GRM5: variants seen among roughly 807,000 people sequenced by gnomAD.
GRM5 encodes glutamate metabotropic receptor 5.
In GRM5, 19 loss-of-function variants were observed where a neutral mutation model predicts 83.1. The observed-to-expected ratio is 0.23, with a 90% CI of 0.16 to 0.34. The LOEUF is 0.34. Among genes scored for constraint, GRM5 ranks in the 10% least tolerant of loss-of-function variants. The pLI, the probability that GRM5 is intolerant of heterozygous loss-of-function variation, is 1.00. For synonymous variants in GRM5, 675 were observed against 633.6 expected, an observed-to-expected ratio of 1.07 and a Z score of -0.98; for missense variants, 1,160 against 1,588.3, an observed-to-expected ratio of 0.73 and a Z score of 4.58.
chr11:88,853,249 G>C (rs1944418234), intron 2 of GRM5, among the ~76,000 whole-genome samples: 1 of 152,056 alleles, frequency 6.6e-6, no homozygotes, highest in Non-Finnish European at 1.5e-5. Context: ...TCAACCTTAA[G>C]AATCCACCTA....
chr11:88,659,664 G>T (rs1939853875), intron 3 of GRM5, among the ~76,000 whole-genome samples: 1 of 152,052 alleles, frequency 6.6e-6, no homozygotes, highest in Admixed American at 6.6e-5. Context: ...AAATAATTAT[G>T]ATAGGACTTA....
intron 2 of GRM5, among the ~76,000 whole-genome samples, chr11:89,022,008 TAACAA>T (rs1397316782): frequency 6.6e-6 from 1 of 152,140 alleles, no homozygotes; most frequent in East Asian, 1.9e-4. Context: ...CAAACGTTCT[TAACAA>T]AACAAAACAG....
At chr11:88,905,604 A>C (rs1301307652) in intron 2 of GRM5, among the ~76,000 whole-genome samples, 2 of 152,020 alleles carry the variant, frequency 1.3e-5, no homozygotes, top group African/African-American at 4.8e-5. Flanking sequence ...GGCCTCCCAA[A>C]GTGTTGGGAT....
At chr11:88,514,151 T>C (rs1011861521) in intron 9 of GRM5, among the ~76,000 whole-genome samples, 4 of 152,210 alleles carry the variant, frequency 2.6e-5, no homozygotes, top group African/African-American at 9.7e-5. Flanking sequence ...TCTTGCTCTC[T>C]TCCAGGCACC....
intron 2 of GRM5, among the ~76,000 whole-genome samples, chr11:88,926,857 A>G (rs2135639394): frequency 6.6e-6 from 1 of 152,302 alleles, no homozygotes; most frequent in East Asian, 1.9e-4. Context: ...CTACTCAGCA[A>G]ATACTTGTTC....
intron 3 of GRM5, among the ~76,000 whole-genome samples, chr11:88,758,397 A>G (rs1421173071): frequency 6.6e-6 from 1 of 152,216 alleles, no homozygotes; most frequent in African/African-American, 2.4e-5. Flanking sequence ...TAACCAACCC[A>G]ATAGACGTGG....
chr11:89,038,525 C>T (rs1224706261), intron 2 of GRM5, among the ~76,000 whole-genome samples: 1 of 152,190 alleles, frequency 6.6e-6, no homozygotes, highest in Non-Finnish European at 1.5e-5. Flanking sequence ...TAACCAAGCA[C>T]AGTCTGTGCT....
At chr11:88,908,937 C>CTTAT (rs1391415028) in intron 2 of GRM5, among the ~76,000 whole-genome samples, 1 of 152,092 alleles carries the variant, frequency 6.6e-6, no homozygotes, top group East Asian at 1.9e-4. Context: ...TCTTAGTTGC[C>CTTAT]TTATATTAGT....
At chr11:88,581,461 G>A (rs1415542498) in intron 7 of GRM5, among the ~76,000 whole-genome samples, 1 of 152,164 alleles carries the variant, frequency 6.6e-6, no homozygotes, top group African/African-American at 2.4e-5. Flanking sequence ...GGGCATGTTT[G>A]ACTCCAAAAC....
At chr11:89,041,624 G>T (rs1941536563) in intron 2 of GRM5, among the ~76,000 whole-genome samples, 1 of 152,180 alleles carries the variant, frequency 6.6e-6, no homozygotes, top group Middle Eastern at 3.2e-3. Context: ...TGTTCCTTCT[G>T]GAAGGGAAGA....
chr11:88,875,711 T>C (rs1273744914), intron 2 of GRM5, among the ~76,000 whole-genome samples: 2 of 152,070 alleles, frequency 1.3e-5, no homozygotes, highest in African/African-American at 4.8e-5. Flanking sequence ...GGATAGATGT[T>C]GTCTTAGCAG....
intron 4 of GRM5, among the ~76,000 whole-genome samples, chr11:88,624,431 A>C (rs1002047448): frequency 1.3e-5 from 2 of 152,230 alleles, no homozygotes; most frequent in East Asian, 3.8e-4. Context: ...ACCCGGGGCC[A>C]TGCCTTATGG....
chr11:88,903,205 A>G (rs553391295), intron 2 of GRM5, among the ~76,000 whole-genome samples: 1 of 152,216 alleles, frequency 6.6e-6, no homozygotes, highest in Non-Finnish European at 1.5e-5. Context: ...AAAGAAAAGC[A>G]AGAGAAAGGA....
At chr11:88,815,920 A>G (rs1943669065) in intron 3 of GRM5, among the ~76,000 whole-genome samples, 1 of 151,724 alleles carries the variant, frequency 6.6e-6, no homozygotes, top group South Asian at 2.1e-4. Context: ...GCCTTAAGAA[A>G]TTGGAAACAG....
chr11:88,908,180 A>G (rs2135603656), intron 2 of GRM5, among the ~76,000 whole-genome samples: 2 of 152,286 alleles, frequency 1.3e-5, no homozygotes, highest in East Asian at 3.9e-4. Flanking sequence ...TGAGAAAATT[A>G]TATGTGCCAT....
At chr11:88,728,694 T>A (rs1265737829) in intron 3 of GRM5, among the ~76,000 whole-genome samples, 4 of 151,896 alleles carry the variant, frequency 2.6e-5, no homozygotes, top group African/African-American at 9.7e-5. Context: ...GTCGGCTTCA[T>A]CCCTGGGATG....
chr11:88,849,410 C>A (rs1377353993), intron 3 of GRM5, among the ~76,000 whole-genome samples: 1 of 152,032 alleles, frequency 6.6e-6, no homozygotes, highest in African/African-American at 2.4e-5. Flanking sequence ...TGTCTAGAAA[C>A]AATGTAGGTC....
intron 1 of GRM5, among the ~76,000 whole-genome samples, chr11:89,057,413 A>G (rs1256906193): frequency 1.3e-5 from 2 of 152,152 alleles, no homozygotes; most frequent in Non-Finnish European, 2.9e-5. Context: ...TAGCCCCACA[A>G]AATATAGGCC....
chr11:88,923,252 T>G (rs921500526), intron 2 of GRM5, among the ~76,000 whole-genome samples: 3 of 152,156 alleles, frequency 2.0e-5, no homozygotes, highest in Non-Finnish European at 2.9e-5. Context: ...TAGACTCCCA[T>G]GTTTACTGCA....
Sources: allele counts gnomAD v4.1 joint callset (sites outside exome capture counted in the v4.1 genomes callset), GRCh38; gene constraint gnomAD v4.1.1; transcripts MANE v1.5; gene names NCBI Gene and HGNC (gene_info 2026-07-23, HGNC 2026-07-21).